TBC1D26: variants seen among roughly 807,000 people sequenced by gnomAD.
TBC1D26 encodes the protein TBC1 domain family, member 26.
TBC1D26 carries 19 observed loss-of-function variants against 42.5 expected under a neutral mutation model. That is an observed-to-expected ratio of 0.45 (90% CI 0.31 to 0.66). TBC1D26 has a LOEUF of 0.66. Among genes scored for constraint, TBC1D26 ranks in the 30% least tolerant of loss-of-function variants. The pLI is 0.06. For missense variants in TBC1D26, 228 were observed against 332.6 expected, an observed-to-expected ratio of 0.69 and a Z score of 2.45; for synonymous variants, 97 against 123.5, an observed-to-expected ratio of 0.79 and a Z score of 1.42.
At chr17:15,743,320 T>A (rs1350384918) in intron 13 of TBC1D26, 47 bp from the exon 14 acceptor site, 1 of 967,482 alleles carries the variant, frequency 1.0e-6, no homozygotes, top group African/African-American at 1.8e-5. Flanking sequence ...GCAGGCACTG[T>A]CCCCTCCCAG....
intron 11 of TBC1D26, 106 bp from the exon 12 acceptor site, chr17:15,742,308 C>T: frequency 2.0e-6 from 1 of 497,718 alleles, no homozygotes; most frequent in Non-Finnish European, 3.7e-6. Flanking sequence ...GAGCCCTGGC[C>T]ACCGCCCTGG....
intron 9 of TBC1D26, chr17:15,740,756 G>A (rs992274998): frequency 5.9e-5 from 61 of 1,030,864 alleles, no homozygotes; most frequent in Middle Eastern, 4.2e-4. Flanking sequence ...GGTGGTCAGC[G>A]CCCCGCTGCC....
At chr17:15,741,719 C>CA in intron 10 of TBC1D26, 1 of 569,410 alleles carries the variant, frequency 1.8e-6, no homozygotes, top group Non-Finnish European at 3.1e-6. Flanking sequence ...CTTGTGGTGT[C>CA]AAATGCAGGC....
Position 15,740,067 on chromosome 17 carries a change from C to CA in TBC1D26, c.498-23dup, listed in dbSNP as rs58354673. ...GAAATTGACAGCGTCTGCACACACA[C>CA]AAAAAAAAAACCCTCTTTCCCCTCT... On this transcript the variant is annotated intron_variant, in intron 8 of 14. Coordinates refer to ENST00000437605, the MANE Select transcript of TBC1D26 (RefSeq NM_001388465.1). 2.2e-3 allele frequency: 3,236 copies of CA among 1,500,172 alleles called. 5 individuals carry two copies. Among genetic ancestry groups the CA allele is most frequent in the South Asian group, 9.6e-3 (762 of 79,626 alleles). The allele number at this position is 1,500,172 out of a possible 1,614,324, so 92.9% of individuals were successfully genotyped here.
chr17:15,743,319 G>C (rs762270070), intron 13 of TBC1D26, 48 bp from the exon 14 acceptor site: 18 of 966,360 alleles, frequency 1.9e-5, no homozygotes, highest in Non-Finnish European at 2.2e-5. Context: ...TGCAGGCACT[G>C]TCCCCTCCCA....
Position 15,742,078 on chromosome 17 carries a change from C to T in TBC1D26, c.741+42C>T, listed in dbSNP as rs748552512. The stretch of plus-strand genomic sequence containing the variant: ...CTCAGCTCCTAACCAGACGCCCTGG[C>T]CCCCATAGGCCAGGGGAGGCTCAAG... On this transcript the variant is annotated intron_variant, in intron 11 of 14. Transcript: ENST00000437605. The T allele has an allele frequency of 2.6e-6, 4 of 1,564,886 alleles. No homozygotes were observed. In the South Asian group the frequency reaches 4.5e-5, roughly 18 times the overall value.
rs1458532822 is a variant in TBC1D26, at chr17:15,740,152, A to G, written c.546+4A>G. On this transcript the variant is annotated splice_donor_region_variant and intron_variant, in intron 9 of 14. Coordinates refer to ENST00000437605, the MANE Select transcript of TBC1D26 (RefSeq NM_001388465.1). ...GGCCTATTCTGCATATAACCCTGTG[A>G]GTATTCCCGGGCAGCGATATTCCTG... 6.2e-7 allele frequency: 1 copy of G among 1,614,148 alleles called. No individual in the cohort carries two copies. Among genetic ancestry groups the G allele is most frequent in the Admixed American group, 1.7e-5 (1 of 60,004 alleles).
In TBC1D26 at chr17:15,740,148, T is replaced by C. The variant is rs748115656; in HGVS notation, c.546T>C (p.Pro182=). Residue 182 remains proline (P), a splice_region_variant and synonymous_variant, in exon 9 of 15, where the codon CCT becomes CCC. Transcript: ENST00000437605. ...TCGTGGCCTATTCTGCATATAACCC[T>C]GTGAGTATTCCCGGGCAGCGATATT... ...DILVAYSAYN[P]EVGYHRDLSR... is the part of the protein sequence containing the mutation. The C allele has an allele frequency of 3.7e-6, 6 of 1,614,054 alleles. No individual in the cohort carries two copies. The highest frequency in any genetic ancestry group is 5.1e-6 in the Non-Finnish European group (6 of 1,180,034).
At position 15,743,357 on chromosome 17, in the gene TBC1D26, C is replaced by A; in HGVS notation, c.908-10C>A. The A allele has an allele frequency of 1.0e-6, 1 of 986,132 alleles. No homozygotes were observed. The allele number at this position is 986,132 out of a possible 1,614,324, so 61.1% of individuals were successfully genotyped here. A position where few individuals can be genotyped will look rare whatever the true frequency, so the allele number is the denominator to read the frequency against. On this transcript the variant is annotated splice_polypyrimidine_tract_variant and intron_variant, in intron 13 of 14. Transcript: ENST00000437605. The stretch of plus-strand genomic sequence containing the variant: ...GAACCCTCCTGGCCTGATGCCCGCC[C>A]TCTCCCTAGAGCACCTCATGAAGCT...
chr17:15,738,410 T>C, intron 7 of TBC1D26, 23 bp downstream of exon 7: 1 of 1,610,898 alleles, frequency 6.2e-7, no homozygotes, highest in Non-Finnish European at 8.5e-7. Context: ...CACACTCAGC[T>C]AGGAGTACAA....
intron 12 of TBC1D26, 78 bp downstream of exon 12, chr17:15,742,557 G>A: frequency 5.5e-6 from 1 of 180,564 alleles, no homozygotes; most frequent in Non-Finnish European, 1.1e-5. Flanking sequence ...CAGGGGTCCA[G>A]CTCCCCCAGG....
chr17:15,738,583 G>C, intron 7 of TBC1D26, 138 bp from the exon 8 acceptor site: 2 of 1,479,378 alleles, frequency 1.4e-6, no homozygotes, highest in Non-Finnish European at 1.9e-6. Context: ...TCAGAAACAA[G>C]GTAAAAAGGA....
rs772705462 is a variant in TBC1D26, at chr17:15,741,124, G to A, written c.549G>A (p.Glu183=). The change falls in exon 10 of 15, where the codon GAG becomes GAA. Residue 183 remains glutamate (E), a splice_region_variant and synonymous_variant. Coordinates refer to ENST00000437605, the MANE Select transcript of TBC1D26 (RefSeq NM_001388465.1). The stretch of plus-strand genomic sequence containing the variant: ...CACGGTGACTCTGGCTCTTGCAGGA[G>A]GTGGGCTACCACAGGGACCTGAGCC... The part of the protein sequence containing the change: ...ILVAYSAYNP[E]VGYHRDLSRI... The A allele has an allele frequency of 1.2e-6, 2 of 1,610,514 alleles. No individual in the cohort carries two copies. Among genetic ancestry groups the A allele is most frequent in the South Asian group, 1.1e-5 (1 of 91,074 alleles).
chr17:15,744,205 T>C (rs764229076), intron 14 of TBC1D26, 38 bp from the exon 15 acceptor site: 1 of 152,182 alleles, frequency 6.6e-6, no homozygotes, highest in Non-Finnish European at 1.5e-5. Flanking sequence ...CCACTGATTA[T>C]AGTATTTCTT....
chr17:15,738,653 T>G, intron 7 of TBC1D26, 68 bp from the exon 8 acceptor site: 1 of 1,608,024 alleles, frequency 6.2e-7, no homozygotes. Flanking sequence ...GTGGGATGAC[T>G]GCCGTTTGGG....
chr17:15,741,204 T>C lies in TBC1D26; in HGVS notation c.629T>C (p.Leu210Pro). Residue 210 changes from leucine (L) to proline (P), a missense_variant, in exon 10 of 15, where the codon CTT (leucine) becomes CCT (proline). By Grantham distance (98) the Leu-to-Pro change is moderately conservative. Around this residue, in one of 5 missense-constraint regions of TBC1D26, gnomAD observed 130 missense variants for 168.5 expected, o/e 0.77. Coordinates refer to ENST00000437605, the MANE Select transcript of TBC1D26 (RefSeq NM_001388465.1). ...CCAGAGGAAGATGCTTTCTGGGCGC[T>C]TACCCAGTTGCTCGCTGGTGAGAGG... The part of the protein sequence containing the change: ...CLPEEDAFWA[L>P]TQLLAVFYSP... 6.2e-7 allele frequency: 1 copy of C among 1,613,716 alleles called. No individual in the cohort carries two copies.
intron 9 of TBC1D26, 85 bp from the exon 10 acceptor site, chr17:15,741,037 G>A (rs1967761573): frequency 5.1e-6 from 8 of 1,566,888 alleles, no homozygotes; most frequent in South Asian, 2.3e-5. Context: ...CCAAAGACCT[G>A]TGCCACCTCT....
intron 9 of TBC1D26, chr17:15,740,750 G>A (rs1597757293): frequency 2.8e-6 from 3 of 1,062,682 alleles, no homozygotes; most frequent in Non-Finnish European, 3.5e-6. Context: ...TTGTGTGGTG[G>A]TCAGCGCCCC....
At position 15,738,828 on chromosome 17, in the gene TBC1D26, C is replaced by T. The variant is rs368027931; in HGVS notation, c.495C>T (p.Val165=). Residue 165 remains valine, a splice_region_variant and synonymous_variant, in exon 8 of 15, where the codon GTC becomes GTT. Coordinates refer to ENST00000437605, the MANE Select transcript of TBC1D26 (RefSeq NM_001388465.1). ...TGATGTTCATACAAAGATTCGGAGT[C>T]AAGTAAGGCCAATGGGGCTTGCAGG... The part of the protein sequence containing the change: ...KHMMFIQRFG[V]KQQELCDILV... 211 of 1,613,070 alleles carry T rather than the reference C, an allele frequency of 1.3e-4. No homozygotes were observed. Among genetic ancestry groups the T allele is most frequent in the Non-Finnish European group, 1.7e-4 (206 of 1,179,844 alleles).
Sources: gnomAD v4.1 joint callset for allele counts on GRCh38, gnomAD v4.1.1 for gene constraint, gnomAD v4.1.1 regional missense constraint, MANE v1.5 for transcripts, NCBI Gene and HGNC (gene_info 2026-07-23, HGNC 2026-07-21) for gene names.